Variants in SNTG1 observed in about 807,000 individuals in gnomAD.
SNTG1 encodes gamma-1-syntrophin.
In SNTG1, 39 loss-of-function variants were observed where a neutral mutation model predicts 74.7. The observed-to-expected ratio is 0.52, with a 90% CI of 0.40 to 0.68. The LOEUF (loss-of-function observed/expected upper bound fraction) is 0.68. Among genes scored for constraint, SNTG1 ranks in the 30% least tolerant of loss-of-function variants. The pLI is 0.00. For synonymous variants in SNTG1, 254 were observed against 217.1 expected (o/e 1.17, Z -1.49); for missense variants, 685 against 609.5 (o/e 1.12, Z -1.30).
intron 2 of SNTG1, among the ~76,000 whole-genome samples, chr8:50,393,514 A>G (rs2092689323): frequency 6.6e-6 from 1 of 152,164 alleles, no homozygotes; most frequent in South Asian, 2.1e-4. Flanking sequence ...ACTTTCCGTG[A>G]CATATCTTAG....
intron 17 of SNTG1, among the ~76,000 whole-genome samples, chr8:50,732,305 T>C (rs1474917868): frequency 6.6e-6 from 1 of 151,968 alleles, no homozygotes; most frequent in Non-Finnish European, 1.5e-5. Context: ...AAAAATAAAG[T>C]ATCTTGTCCA....
chr8:50,701,812 T>C (rs1226403592), intron 15 of SNTG1, among the ~76,000 whole-genome samples: 5 of 149,334 alleles, frequency 3.3e-5, no homozygotes, highest in African/African-American at 9.9e-5. Flanking sequence ...CTTCTTCTTC[T>C]TCTTCTTCTC....
At chr8:50,538,063 T>C (rs1028277451) in intron 11 of SNTG1, among the ~76,000 whole-genome samples, 9 of 152,206 alleles carry the variant, frequency 5.9e-5, no homozygotes, top group African/African-American at 1.7e-4. Context: ...TTTGAGTATA[T>C]CACTTTGCAT....
chr8:50,570,695 C>G (rs1216462896), intron 12 of SNTG1, among the ~76,000 whole-genome samples: 1 of 151,518 alleles, frequency 6.6e-6, no homozygotes, highest in Non-Finnish European at 1.5e-5. Context: ...GCCTCTCCCT[C>G]CCAGGTTCAA....
intron 5 of SNTG1, among the ~76,000 whole-genome samples, chr8:50,443,366 TATGAA>T (rs1291218055): frequency 1.3e-5 from 2 of 152,174 alleles, no homozygotes; most frequent in African/African-American, 4.8e-5. Context: ...ACAATTTTCT[TATGAA>T]AATAATAAAT....
In SNTG1 at chr8:50,227,957, G is replaced by T; in HGVS notation, c.-28+55322G>T. Among the ~76,000 whole-genome samples the T allele has an allele frequency of 1.5e-5, 2 of 137,198 alleles. 1 individual carries two copies. The highest frequency in any genetic ancestry group is 3.2e-5 in the Non-Finnish European group (2 of 62,974). 90.0% of individuals were successfully genotyped at this position (137,198 alleles called of 152,430 possible). A position where few individuals can be genotyped will look rare whatever the true frequency, so the allele number is the denominator to read the frequency against. On this transcript the variant is annotated intron_variant, in intron 2 of 18. Transcript: ENST00000642720. ...AAAAGAAACACCAACACCATTATAA[G>T]CAAAACACAGTCTGAAGAGACAAAT...
At chr8:50,201,473 G>A (rs768743393) in intron 2 of SNTG1, among the ~76,000 whole-genome samples, 1 of 152,084 alleles carries the variant, frequency 6.6e-6, no homozygotes, top group Non-Finnish European at 1.5e-5. Context: ...ATATTAGTAT[G>A]TCATTATTAA....
At chr8:50,530,869 C>T (rs2467203) in intron 10 of SNTG1, among the ~76,000 whole-genome samples, 51,154 of 151,934 alleles carry the variant, frequency 0.34, 10,099 homozygotes, top group African/African-American at 0.55. Flanking sequence ...TTTGAAGTTC[C>T]TTGCATTTCA....
At chr8:50,307,334 G>A (rs751440317) in intron 2 of SNTG1, among the ~76,000 whole-genome samples, 1 of 151,822 alleles carries the variant, frequency 6.6e-6, no homozygotes, top group South Asian at 2.1e-4. Context: ...AGATATTTAA[G>A]CACTGTTCAA....
intron 18 of SNTG1, chr8:50,762,635 T>C (rs990601912): frequency 6.9e-6 from 3 of 434,172 alleles, no homozygotes; most frequent in African/African-American, 4.0e-5. Context: ...GATGCCTTTG[T>C]TCTTATTAGC....
intron 1 of SNTG1, among the ~76,000 whole-genome samples, chr8:50,069,207 A>G (rs933498886): frequency 4.6e-5 from 7 of 152,180 alleles, no homozygotes; most frequent in Non-Finnish European, 1.0e-4. Flanking sequence ...TAGGAGTGAA[A>G]ATAAACTCTG....
In SNTG1 at chr8:50,559,889, T is replaced by G. The variant is rs151296711; in HGVS notation, c.810+6710T>G. Among the ~76,000 whole-genome samples, 587 of 152,148 alleles carry G rather than the reference T, an allele frequency of 3.9e-3. 3 individuals are homozygous for G. The highest frequency in any genetic ancestry group is 5.2e-3 in the Non-Finnish European group (354 of 67,996). Reference sequence around the variant, plus strand: ...ATTGACAAATGCAATCTAATTAAACTAAAGAGTTTCTGCACAGCAAAAGAA... The same window carrying G: ...ATTGACAAATGCAATCTAATTAAACGAAAGAGTTTCTGCACAGCAAAAGAA... On this transcript the variant is annotated intron_variant, in intron 12 of 18. Coordinates refer to ENST00000642720, the MANE Select transcript of SNTG1 (RefSeq NM_018967.5).
chr8:49,914,591 A>C (rs892613269), intron 1 of SNTG1, among the ~76,000 whole-genome samples: 20 of 152,342 alleles, frequency 1.3e-4, no homozygotes, highest in Admixed American at 3.9e-4. Flanking sequence ...TATAAATATT[A>C]CTTGTATATT....
intron 15 of SNTG1, among the ~76,000 whole-genome samples, chr8:50,669,798 T>C (rs946472616): frequency 2.6e-5 from 4 of 152,156 alleles, no homozygotes; most frequent in Admixed American, 6.5e-5. Flanking sequence ...CTCAATAAAA[T>C]ACTGGCAAAC....
chr8:50,028,013 A>T (rs1343873282), intron 1 of SNTG1, among the ~76,000 whole-genome samples: 1 of 152,190 alleles, frequency 6.6e-6, no homozygotes, highest in African/African-American at 2.4e-5. Flanking sequence ...ACATTGTTAC[A>T]TTGTGTGTGT....
chr8:50,079,091 G>A (rs967689462), intron 1 of SNTG1, among the ~76,000 whole-genome samples: 7 of 152,164 alleles, frequency 4.6e-5, no homozygotes, highest in African/African-American at 1.4e-4. Flanking sequence ...GGATTGGTGG[G>A]TCTAATAGTA....
intron 4 of SNTG1, among the ~76,000 whole-genome samples, chr8:50,429,346 G>A (rs777802758): frequency 6.6e-5 from 10 of 152,118 alleles, no homozygotes; most frequent in South Asian, 4.1e-4. Context: ...ATTCATAGTC[G>A]ACTTATTTTT....
chr8:50,217,463 G>A (rs1337694749), intron 2 of SNTG1, among the ~76,000 whole-genome samples: 4 of 151,894 alleles, frequency 2.6e-5, no homozygotes, highest in African/African-American at 9.7e-5. Context: ...CTCTTACTTA[G>A]CACCTTCATA....
chr8:50,366,039 C>G (rs1467932268), intron 2 of SNTG1, among the ~76,000 whole-genome samples: 3 of 152,110 alleles, frequency 2.0e-5, no homozygotes, highest in African/African-American at 7.2e-5. Flanking sequence ...TTCTAACAAA[C>G]AATTTATCAC....
Sources: gnomAD v4.1 joint callset for allele counts (sites outside exome capture counted in the v4.1 genomes callset) on GRCh38, gnomAD v4.1.1 for gene constraint, MANE v1.5 for transcripts, NCBI Gene and HGNC (gene_info 2026-07-23, HGNC 2026-07-21) for gene names.